Variants in IL26 observed in about 807,000 individuals in gnomAD.
IL26 encodes the protein interleukin 26.
In IL26, 23 loss-of-function variants were observed where a neutral mutation model predicts 21.7. The observed-to-expected ratio is 1.06, with a 90% CI of 0.76 to 1.50. The LOEUF is 1.50. IL26 is among the 40% of genes most tolerant of loss of function. The pLI is 0.00. For missense variants in IL26, 204 were observed against 196.0 expected (o/e 1.04, Z -0.24); for synonymous variants, 63 against 67.8 (o/e 0.93, Z 0.34).
In IL26 at chr12:68,201,632, C is replaced by A; in HGVS notation, c.*213G>T. On this transcript the variant is annotated 3_prime_UTR_variant, in exon 5 of 5. Transcript: ENST00000229134. ...TGACAAAACATGTTCAGAATGGAAA[C>A]ATTATTTGAAAACACAGAAAATGTG... The A allele has an allele frequency of 2.4e-6, 1 of 408,230 alleles. No homozygotes were observed. Among genetic ancestry groups the A allele is most frequent in the Admixed American group, 4.2e-5 (1 of 23,958 alleles). 25.3% of individuals were successfully genotyped at this position (408,230 alleles called of 1,614,324 possible).
chr12:68,224,323 T>G (rs2120481935), intron 3 of IL26, among the ~76,000 whole-genome samples: 1 of 151,992 alleles, frequency 6.6e-6, no homozygotes, highest in East Asian at 2.0e-4. Flanking sequence ...TTGTTTTGTT[T>G]TGTTTTGTTT....
rs1461587069 is a variant in IL26 at position 68,225,181 on chromosome 12, AGTCCTCCACAAAGC to A, written c.317_330del (p.Arg106LeufsTer3). The A allele has an allele frequency of 6.2e-7, 1 of 1,613,206 alleles. No homozygotes were observed. Among genetic ancestry groups the A allele is most frequent in the African/African-American group, 1.3e-5 (1 of 74,888 alleles). ...CTCAATTTCTGCCTAAGGCTATGAA[AGTCCTCCACAAAGC>A]GTATTTTCTTGCAGCCTTGCAATTG... On this transcript the variant is annotated frameshift_variant, in exon 3 of 5. Coordinates refer to ENST00000229134, the MANE Select transcript of IL26 (RefSeq NM_018402.2). LOFTEE classifies it high-confidence loss of function.
chr12:68,202,856 AGAGTAATTCAGGCAGAG>A (rs1241961758), intron 3 of IL26, among the ~76,000 whole-genome samples: 1 of 152,222 alleles, frequency 6.6e-6, no homozygotes, highest in Non-Finnish European at 1.5e-5. Context: ...AAGACACAAG[AGAGTAATTCAGGCAGAG>A]GAAAATATGC....
intron 3 of IL26, among the ~76,000 whole-genome samples, chr12:68,224,899 A>G (rs1457317316): frequency 2.0e-5 from 3 of 152,248 alleles, no homozygotes; most frequent in Admixed American, 6.5e-5. Context: ...TTTGAAAACC[A>G]TGTCATGTTA....
chr12:68,207,632 A>G (rs904016208), intron 3 of IL26, among the ~76,000 whole-genome samples: 5 of 152,162 alleles, frequency 3.3e-5, no homozygotes, highest in East Asian at 3.9e-4. Context: ...CTCATTGGTA[A>G]TGTGCAATTT....
chr12:68,207,823 A>G (rs1868585230), intron 3 of IL26, among the ~76,000 whole-genome samples: 1 of 152,192 alleles, frequency 6.6e-6, no homozygotes, highest in African/African-American at 2.4e-5. Context: ...TTAACTTTTT[A>G]TAATAGATTT....
intron 3 of IL26, 29 bp from the exon 4 acceptor site, chr12:68,202,112 T>C (rs1868406965): frequency 7.0e-7 from 1 of 1,423,500 alleles, no homozygotes; most frequent in Admixed American, 1.9e-5. Flanking sequence ...TTACAGATAA[T>C]ATTGTTGAAG....
chr12:68,218,288 T>C (rs914771123), intron 3 of IL26, among the ~76,000 whole-genome samples: 29 of 152,074 alleles, frequency 1.9e-4, no homozygotes, highest in African/African-American at 7.0e-4. Context: ...AATGTTACAA[T>C]TAATCAATAA....
intron 3 of IL26, among the ~76,000 whole-genome samples, chr12:68,223,518 T>C (rs1225219956): frequency 6.6e-6 from 1 of 152,172 alleles, no homozygotes; most frequent in African/African-American, 2.4e-5. Context: ...GCTATTTGGG[T>C]CAACAAAACC....
Position 68,225,138 on chromosome 12 carries a change from T to G in IL26, c.363+11A>C. The stretch of plus-strand genomic sequence containing the variant: ...AGGATCAAATGCACAGTATTTGTTG[T>G]GTATACTTACACAGTGGCTCAATTT... On this transcript the variant is annotated intron_variant, in intron 3 of 4. Coordinates refer to ENST00000229134, the MANE Select transcript of IL26 (RefSeq NM_018402.2). The G allele has an allele frequency of 6.2e-7, 1 of 1,602,008 alleles. No homozygotes were observed. Among genetic ancestry groups the G allele is most frequent in the Non-Finnish European group, 8.5e-7 (1 of 1,175,680 alleles).
rs1358663397 is a variant in IL26, at chr12:68,225,495, G to A, written c.177C>T (p.Asp59=). 1 of 1,593,998 alleles carries A rather than the reference G, an allele frequency of 6.3e-7. No individual in the cohort carries two copies. Among genetic ancestry groups the A allele is most frequent in the South Asian group, 1.1e-5 (1 of 90,138 alleles). The change falls in exon 2 of 5, where the codon GAC becomes GAT. Residue 59 remains aspartate, a synonymous_variant. Coordinates refer to ENST00000229134, the MANE Select transcript of IL26 (RefSeq NM_018402.2). ...TTAATAATCGTATATTTTTTATGCG[G>A]TCTTCCTACAATAATACAAAGAGAA... The part of the protein sequence containing the change: ...AAWLKATIPE[D]RIKNIRLLKK...
rs566486556 is a variant in IL26, at chr12:68,214,889, T to G, written c.363+10260A>C. ...CATTTTGTTACCTGTTTTATGTTTT[T>G]TTTTTTTTATTTCATTTTGTTTTTT... On this transcript the variant is annotated intron_variant, in intron 3 of 4. Coordinates refer to ENST00000229134, the MANE Select transcript of IL26 (RefSeq NM_018402.2). Among the ~76,000 whole-genome samples, 116 of 152,040 alleles carry G rather than the reference T, an allele frequency of 7.6e-4. 2 individuals carry two copies. In the South Asian group the frequency reaches 0.018, roughly 24 times the overall value.
intron 3 of IL26, among the ~76,000 whole-genome samples, chr12:68,215,719 G>A (rs1868856066): frequency 6.6e-6 from 1 of 152,052 alleles, no homozygotes; most frequent in Non-Finnish European, 1.5e-5. Flanking sequence ...TGAGGCTGGA[G>A]AGCAGTGGTG....
chr12:68,209,647 G>C (rs2120436453), intron 3 of IL26, among the ~76,000 whole-genome samples: 1 of 152,146 alleles, frequency 6.6e-6, no homozygotes, highest in South Asian at 2.1e-4. Context: ...AAGCCGTGAG[G>C]GGTTTTAGAC....
In IL26 at chr12:68,210,338, C is replaced by CAAAAAAAAAAAAA. The variant is rs540693081; in HGVS notation, c.364-8268_364-8256dup. On this transcript the variant is annotated intron_variant, in intron 3 of 4. Coordinates refer to ENST00000229134, the MANE Select transcript of IL26 (RefSeq NM_018402.2). The stretch of plus-strand genomic sequence containing the variant: ...ACTAAATAAATAAATATCAGTTTGG[C>CAAAAAAAAAAAAA]AAAAAAAAAAAAAAAAAAAAAAAAA... Among the ~76,000 whole-genome samples the CAAAAAAAAAAAAA allele has an allele frequency of 4.1e-4, 9 of 22,096 alleles. 1 individual carries two copies. The highest frequency in any genetic ancestry group is 7.1e-4 in the Non-Finnish European group (7 of 9,866). 14.5% of individuals were successfully genotyped at this position (22,096 alleles called of 152,430 possible).
chr12:68,210,424 C>CCAGAA (rs1868687867), intron 3 of IL26, among the ~76,000 whole-genome samples: 1 of 111,902 alleles, frequency 8.9e-6, no homozygotes, highest in African/African-American at 3.4e-5. Flanking sequence ...ACTACTGACA[C>CCAGAA]CAGAAAGATT....
chr12:68,203,267 C>T (rs547676204), intron 3 of IL26, among the ~76,000 whole-genome samples: 2 of 152,236 alleles, frequency 1.3e-5, no homozygotes, highest in African/African-American at 4.8e-5. Flanking sequence ...AGTTAATATC[C>T]TACTCTATTC....
rs371830939 is a variant in IL26 at position 68,225,494 on chromosome 12, G to T, written c.178C>A (p.Arg60Ser). 6.3e-7 allele frequency: 1 copy of T among 1,592,100 alleles called. No individual in the cohort carries two copies. ...TTTAATAATCGTATATTTTTTATGC[G>T]GTCTTCCTACAATAATACAAAGAGA... ...AWLKATIPED[R>S]IKNIRLLKKK... is the part of the protein sequence containing the mutation. The change falls in exon 2 of 5, where the codon CGC (arginine) becomes AGC (serine). Residue 60 changes from arginine (R) to serine (S), a missense_variant. By Grantham distance (110) the Arg-to-Ser change is moderately radical. Coordinates refer to ENST00000229134, the MANE Select transcript of IL26 (RefSeq NM_018402.2).
At chr12:68,208,843 G>A (rs796090907) in intron 3 of IL26, among the ~76,000 whole-genome samples, 11 of 152,192 alleles carry the variant, frequency 7.2e-5, no homozygotes, top group African/African-American at 2.4e-4. Flanking sequence ...ATTGTCTGTC[G>A]ATTTTCATTG....
Sources: gnomAD v4.1 joint callset for allele counts (sites outside exome capture counted in the v4.1 genomes callset) on GRCh38, gnomAD v4.1.1 for gene constraint, MANE v1.5 for transcripts, NCBI Gene and HGNC (gene_info 2026-07-23, HGNC 2026-07-21) for gene names.